The following VPS13C variants were observed in gnomAD, a reference collection of about 807,000 sequenced individuals.
VPS13C encodes the protein intermembrane lipid transfer protein VPS13C.
Under a neutral mutation model 456.8 loss-of-function variants are expected in VPS13C, and 358 were observed. The observed-to-expected ratio is 0.78, with a 90% CI of 0.72 to 0.86. VPS13C has a LOEUF of 0.86. VPS13C is among the 40% of genes least tolerant of loss of function. The pLI, the probability that VPS13C is intolerant of heterozygous loss-of-function variation, is 0.00. For missense variants in VPS13C, 4,818 were observed against 4,385.4 expected (o/e 1.10, Z -2.79); for synonymous variants, 1,578 against 1,486.7 (o/e 1.06, Z -1.41).
At chr15:62,007,005 T>C (rs2046872611) in intron 15 of VPS13C, among the ~76,000 whole-genome samples, 1 of 152,218 alleles carries the variant, frequency 6.6e-6, no homozygotes, top group East Asian at 1.9e-4. Flanking sequence ...TATATCTATC[T>C]AATAAACACA....
chr15:62,049,479 A>C, intron 1 of VPS13C, among the ~76,000 whole-genome samples: 1 of 152,236 alleles, frequency 6.6e-6, no homozygotes, highest in East Asian at 1.9e-4. Flanking sequence ...TTTTGGTACC[A>C]GTACCATGCT....
At chr15:61,959,374 A>G (rs1182659783) in intron 36 of VPS13C, 74 bp downstream of exon 36, 16 of 1,361,796 alleles carry the variant, frequency 1.2e-5, no homozygotes, top group Middle Eastern at 2.3e-4. Context: ...TCTACATTTC[A>G]TTTGGATTTC....
chr15:61,940,927 ACTT>A, intron 46 of VPS13C, 133 bp from the exon 47 acceptor site: 10 of 868,122 alleles, frequency 1.2e-5, no homozygotes, highest in Non-Finnish European at 1.7e-5. Flanking sequence ...TTTAGAATAC[ACTT>A]CTTTTCACAT....
intron 28 of VPS13C, 137 bp downstream of exon 28, chr15:61,969,162 A>T (rs2045470216): frequency 1.7e-6 from 1 of 589,212 alleles, no homozygotes; most frequent in Admixed American, 3.7e-5. Context: ...ATAAGGATTA[A>T]ATGAGTTATT....
At chr15:61,928,070 A>G (rs1290482106) in intron 51 of VPS13C, among the ~76,000 whole-genome samples, 1 of 151,834 alleles carries the variant, frequency 6.6e-6, no homozygotes. Flanking sequence ...GAGGGATAGC[A>G]TTAGGAGATA....
chr15:61,956,628 A>C (rs2045008241), intron 37 of VPS13C, among the ~76,000 whole-genome samples: 1 of 152,172 alleles, frequency 6.6e-6, no homozygotes, highest in East Asian at 1.9e-4. Flanking sequence ...GGCAAACATC[A>C]AATAGTTGTA....
Position 61,964,892 on chromosome 15 carries a change from T to C in VPS13C, c.3052-31A>G, listed in dbSNP as rs190581548. On this transcript the variant is annotated intron_variant, in intron 30 of 84. Transcript: ENST00000644861. ...AATGTTTTAAAGAGAAAATTAGTTT[T>C]CCACAGCCAATTATAACCTGTAGTC... The C allele has an allele frequency of 4.9e-3, 7,714 of 1,585,106 alleles. 49 individuals are homozygous for C. Among genetic ancestry groups the C allele is most frequent in the Admixed American group, 0.024 (1,330 of 54,334 alleles).
chr15:61,925,111 A>C (rs1357403870), intron 53 of VPS13C, among the ~76,000 whole-genome samples: 1 of 152,168 alleles, frequency 6.6e-6, no homozygotes, highest in African/African-American at 2.4e-5. Flanking sequence ...TTACAAATAA[A>C]GTAATAACAA....
intron 80 of VPS13C, 89 bp downstream of exon 80, chr15:61,869,411 G>A: frequency 7.1e-7 from 1 of 1,415,294 alleles, no homozygotes; most frequent in Non-Finnish European, 9.6e-7. Flanking sequence ...AGATCCTTAG[G>A]AGCAGGCAAA....
chr15:61,959,566 G>A lies in VPS13C; in HGVS notation c.3938C>T (p.Pro1313Leu). The A allele has an allele frequency of 6.2e-7, 1 of 1,613,056 alleles. No homozygotes were observed. The highest frequency in any genetic ancestry group is 8.5e-7 in the Non-Finnish European group (1 of 1,179,342). Reference sequence around the variant, plus strand: ...AATTGGGTGCAACAGCTGAATATCAGGATGGTAGATGCCTGGCTGGATCAC... The same window carrying A: ...AATTGGGTGCAACAGCTGAATATCAAGATGGTAGATGCCTGGCTGGATCAC... ...RTVIQPGIYH[P>L]DIQLLHPINL... Residue 1313 changes from proline to leucine, a missense_variant, in exon 36 of 85, where the codon CCT becomes CTT. By Grantham distance (98) the Pro-to-Leu change is moderately conservative. This residue lies in a region of VPS13C where 4,552 missense variants were observed against 4,130.6 expected (regional missense o/e 1.10). Transcript: ENST00000644861.
Position 61,931,730 on chromosome 15 carries a change from C to T in VPS13C, c.5869-471G>A, listed in dbSNP as rs529843175. The stretch of plus-strand genomic sequence containing the variant: ...TAGCTGGGATTACAGGCGCCCACCA[C>T]CATGCCCGGCTAATTTTTTTTTTGT... On this transcript the variant is annotated intron_variant, in intron 49 of 84. Transcript: ENST00000644861. 2.6e-4 allele frequency among the ~76,000 whole-genome samples: 40 copies of T among 151,942 alleles called. No homozygotes were observed. In the South Asian group the frequency reaches 8.3e-3, roughly 32 times the overall value.
chr15:61,932,270 T>A (rs562515568), intron 49 of VPS13C, among the ~76,000 whole-genome samples: 1 of 151,780 alleles, frequency 6.6e-6, no homozygotes, highest in Non-Finnish European at 1.5e-5. Flanking sequence ...GCTAAGAGGG[T>A]GGCAGAAGAC....
intron 9 of VPS13C, among the ~76,000 whole-genome samples, chr15:62,017,412 G>T (rs1487520274): frequency 1.3e-5 from 2 of 152,050 alleles, no homozygotes; most frequent in Non-Finnish European, 2.9e-5. Context: ...GGTTTTTATG[G>T]TTTTAGGTCT....
chr15:61,934,555 C>T (rs1304641754), intron 48 of VPS13C, among the ~76,000 whole-genome samples: 1 of 152,058 alleles, frequency 6.6e-6, no homozygotes, highest in East Asian at 1.9e-4. Flanking sequence ...GAGGCACAGG[C>T]AGACTATGTT....
chr15:61,881,578 TTACTG>T lies in VPS13C; in HGVS notation c.9756_9760del (p.Tyr3252Ter). On this transcript the variant is annotated stop_gained and frameshift_variant, in exon 71 of 85. Coordinates refer to ENST00000644861, the MANE Select transcript of VPS13C (RefSeq NM_020821.3). LOFTEE classifies it high-confidence loss of function. ...CTTCACTTACTTGAACTGTAAGACTTTACTGTACTCATTAAATCTTGTGATGACAC... is the reference window on the plus strand; with the variant it reads ...CTTCACTTACTTGAACTGTAAGACTTTACTCATTAAATCTTGTGATGACAC... The T allele has an allele frequency of 1.2e-6, 2 of 1,612,204 alleles. No individual in the cohort carries two copies. The highest frequency in any genetic ancestry group is 8.5e-7 in the Non-Finnish European group (1 of 1,179,114).
intron 31 of VPS13C, 21 bp from the exon 32 acceptor site, chr15:61,963,972 C>A (rs367653110): frequency 8.8e-6 from 13 of 1,471,174 alleles, no homozygotes; most frequent in African/African-American, 1.4e-5. Flanking sequence ...AACAAAGCAT[C>A]TGTCACATGG....
intron 6 of VPS13C, among the ~76,000 whole-genome samples, chr15:62,026,111 C>T (rs113811611): frequency 4.5e-4 from 43 of 95,640 alleles, no homozygotes; most frequent in African/African-American, 1.1e-3. Flanking sequence ...AATCTGATCT[C>T]ACTATAGATA....
intron 1 of VPS13C, among the ~76,000 whole-genome samples, chr15:62,054,055 A>T (rs2048709984): frequency 6.6e-6 from 1 of 152,240 alleles, no homozygotes; most frequent in Non-Finnish European, 1.5e-5. Flanking sequence ...CATTTTGAAA[A>T]ATCAAATTGA....
At chr15:61,915,000 G>A (rs901421409) in intron 61 of VPS13C, among the ~76,000 whole-genome samples, 1 of 150,978 alleles carries the variant, frequency 6.6e-6, no homozygotes, top group Non-Finnish European at 1.5e-5. Context: ...ATTTTAAATG[G>A]TTAGAAAATC....
Sources: allele counts gnomAD v4.1 joint callset (sites outside exome capture counted in the v4.1 genomes callset), GRCh38; gene constraint gnomAD v4.1.1; regional missense constraint gnomAD v4.1.1; transcripts MANE v1.5; gene names NCBI Gene and HGNC (gene_info 2026-07-23, HGNC 2026-07-21).